The following TTC28 variants were observed in gnomAD, a reference collection of about 807,000 sequenced individuals.
The protein encoded by TTC28 is tetratricopeptide repeat protein 28.
Under a neutral mutation model 198.0 loss-of-function variants are expected in TTC28, and 61 were observed. The observed-to-expected ratio is 0.31, with a 90% confidence interval of 0.25 to 0.38. TTC28 has a LOEUF of 0.38. Ranked by LOEUF, TTC28 falls within the 10% of genes least tolerant of loss-of-function variation. The pLI, the probability that TTC28 is intolerant of heterozygous loss-of-function variation, is 1.00. For synonymous variants in TTC28, 1,171 were observed against 1,297.8 expected (o/e 0.90, Z 2.10); for missense variants, 2,678 against 3,164.0 (o/e 0.85, Z 3.69).
Position 28,644,505 on chromosome 22 carries a change from T to A in TTC28, c.103-14675A>T, listed in dbSNP as rs531925892. Among the ~76,000 whole-genome samples, 57 of 151,044 alleles carry A rather than the reference T, an allele frequency of 3.8e-4. 1 individual carries two copies. The East Asian group carries it at 0.01, about 27-fold the overall frequency. On this transcript the variant is annotated intron_variant, in intron 1 of 22. Transcript: ENST00000397906. ...ACCTGAATGACCCATGCTAGAACTA[T>A]ATCCAAAGTTACTTTTGCCCATTTA...
intron 2 of TTC28, among the ~76,000 whole-genome samples, chr22:28,348,658 C>T (rs147158744): frequency 0.01 from 1,565 of 152,234 alleles, 31 homozygotes; most frequent in African/African-American, 0.036. Flanking sequence ...TACAAACATG[C>T]GGACCTTTCA....
chr22:28,335,519 A>C lies in TTC28; in HGVS notation c.382-28876T>G, dbSNP rs948099504. Among the ~76,000 whole-genome samples the C allele has an allele frequency of 2.7e-5, 4 of 150,216 alleles. No homozygotes were observed. In the South Asian group the frequency reaches 8.4e-4, roughly 31 times the overall value. ...ATGTTCTTCCATTTGTTTGTTGGGCAGTGGTTTGTACTTCTCCTTGAAGAG... is the reference window on the plus strand; with the variant it reads ...ATGTTCTTCCATTTGTTTGTTGGGCCGTGGTTTGTACTTCTCCTTGAAGAG... On this transcript the variant is annotated intron_variant, in intron 2 of 22. Coordinates refer to ENST00000397906, the MANE Select transcript of TTC28 (RefSeq NM_001145418.2).
chr22:27,982,478 A>G lies in TTC28; in HGVS notation c.7189T>C (p.Leu2397=), dbSNP rs1227635239. ...TCCTTCTTATTGTGCCGTGGTGACA[A>G]ATTCAACAGACTGAGGACATCCCTT... is the stretch of plus-strand genomic sequence containing the variant. The part of the protein sequence containing the change: ...SKRDVLSLLN[L]SPRHNKKEEG... Residue 2397 remains leucine, a synonymous_variant, in exon 23 of 23, where the codon TTG becomes CTG. Transcript: ENST00000397906. This position sits in a 1 kb window ranked among gnomAD's most constrained non-coding sequence, Gnocchi z 5.2. 2 of 1,551,454 alleles carry G rather than the reference A, an allele frequency of 1.3e-6. No homozygotes were observed. The highest frequency in any genetic ancestry group is 1.4e-5 in the African/African-American group (1 of 73,050).
At chr22:28,292,176 A>C (rs577681042) in intron 5 of TTC28, among the ~76,000 whole-genome samples, 1 of 152,198 alleles carries the variant, frequency 6.6e-6, no homozygotes, top group South Asian at 2.1e-4. Flanking sequence ...TAATTGGATA[A>C]AACTAATAAA....
intron 6 of TTC28, among the ~76,000 whole-genome samples, chr22:28,133,178 G>A (rs185401321): frequency 6.8e-4 from 103 of 152,292 alleles, no homozygotes; most frequent in African/African-American, 2.1e-3. Context: ...AGGTGAGATC[G>A]TGCCATTGCA....
At chr22:28,283,965 C>G (rs1359801144) in intron 5 of TTC28, among the ~76,000 whole-genome samples, 1 of 152,172 alleles carries the variant, frequency 6.6e-6, no homozygotes, top group Non-Finnish European at 1.5e-5. Context: ...TATATGACAA[C>G]TTCTCCAGCT....
chr22:28,459,873 G>A (rs1304024845), intron 2 of TTC28: 1 of 152,140 alleles, frequency 6.6e-6, no homozygotes, highest in East Asian at 1.9e-4. Context: ...CTCCAGGGTT[G>A]GCTATAACTA....
chr22:28,234,053 C>T (rs1427538389), intron 5 of TTC28, among the ~76,000 whole-genome samples: 2 of 150,354 alleles, frequency 1.3e-5, no homozygotes, highest in Admixed American at 6.6e-5. Flanking sequence ...ACTATAGGTG[C>T]CTGCCACTAC....
At chr22:28,213,910 C>T (rs375664170) in intron 5 of TTC28, among the ~76,000 whole-genome samples, 10,830 of 152,026 alleles carry the variant, frequency 0.071, 474 homozygotes, top group Admixed American at 0.14. Flanking sequence ...CAAAACAGCA[C>T]GATACTGGTA....
At chr22:28,483,784 A>G (rs535675559) in intron 2 of TTC28, among the ~76,000 whole-genome samples, 96 of 152,214 alleles carry the variant, frequency 6.3e-4, no homozygotes, top group Non-Finnish European at 1.1e-3. Context: ...TAAATAGCTC[A>G]AAGTATTAAA....
At chr22:28,097,638 C>T (rs1942016726) in intron 10 of TTC28, among the ~76,000 whole-genome samples, 1 of 152,154 alleles carries the variant, frequency 6.6e-6, no homozygotes, top group Non-Finnish European at 1.5e-5. Flanking sequence ...TTACTTTTGT[C>T]ATAAATGTAA....
intron 12 of TTC28, among the ~76,000 whole-genome samples, chr22:28,056,975 TCTTA>T (rs1008360688): frequency 2.6e-5 from 4 of 152,222 alleles, no homozygotes; most frequent in Non-Finnish European, 4.4e-5. Context: ...ATTTACAGCT[TCTTA>T]CTTTTTACTG....
rs1487560751 is a variant in TTC28, at chr22:27,985,275, G to A, written c.5789C>T (p.Ala1930Val). The A allele has an allele frequency of 5.2e-6, 8 of 1,551,332 alleles. No individual in the cohort carries two copies. The highest frequency in any genetic ancestry group is 2.7e-5 in the African/African-American group (2 of 73,054). Residue 1930 changes from alanine (A) to valine (V), a missense_variant, in exon 22 of 23, where the codon GCG becomes GTG. By Grantham distance (64) the Ala-to-Val change is moderately conservative. Coordinates refer to ENST00000397906, the MANE Select transcript of TTC28 (RefSeq NM_001145418.2). ...AAACAGAGACAGCAGGGACTGGAGC[G>A]CGAAGTGCACAGTCCGTCGATTAGC... Reference protein sequence around the residue: ...KQANRRTVHFALQSLLSLFDS... With the variant: ...KQANRRTVHFVLQSLLSLFDS...
chr22:28,042,949 GAA>G (rs1939713258), intron 12 of TTC28, among the ~76,000 whole-genome samples: 1 of 152,124 alleles, frequency 6.6e-6, no homozygotes, highest in Admixed American at 6.5e-5. Context: ...TCTACTTCTA[GAA>G]ACTGCCTCCC....
chr22:28,647,298 GA>G (rs1451185938), intron 1 of TTC28, among the ~76,000 whole-genome samples: 1 of 152,022 alleles, frequency 6.6e-6, no homozygotes, highest in Non-Finnish European at 1.5e-5. Flanking sequence ...GAAAATCTAG[GA>G]AAAACTCTTC....
At chr22:28,179,464 G>A (rs1051991617) in intron 5 of TTC28, among the ~76,000 whole-genome samples, 1 of 152,090 alleles carries the variant, frequency 6.6e-6, no homozygotes, top group Non-Finnish European at 1.5e-5. Flanking sequence ...CTGGCCTAGG[G>A]CGGTTTTTAA....
At chr22:28,581,902 G>T (rs901172803) in intron 2 of TTC28, among the ~76,000 whole-genome samples, 2 of 151,728 alleles carry the variant, frequency 1.3e-5, no homozygotes, top group East Asian at 3.9e-4. Flanking sequence ...TCTAATACAA[G>T]GCCTTAAAGT....
In TTC28 at chr22:27,983,643, G is replaced by A. The variant is rs768624892; in HGVS notation, c.6024C>T (p.Pro2008=). Residue 2008 remains proline, a synonymous_variant, in exon 23 of 23, where the codon CCC becomes CCT. Transcript: ENST00000397906. The part of the protein sequence containing the change: ...IASSMSFVSK[P]EGGSEGGGPG... ...GGCCTCCACCCTCTGATCCACCCTC[G>A]GGTTTGGAGACAAAGCTCATTGAGG... is the stretch of plus-strand genomic sequence containing the variant. 9.7e-6 allele frequency: 15 copies of A among 1,543,646 alleles called. No individual in the cohort carries two copies. The highest frequency in any genetic ancestry group is 3.4e-4 in the Middle Eastern group (2 of 5,924).
chr22:28,595,689 G>C (rs2050527964), intron 2 of TTC28, among the ~76,000 whole-genome samples: 1 of 152,174 alleles, frequency 6.6e-6, no homozygotes, highest in South Asian at 2.1e-4. Flanking sequence ...ACTTTGGGAG[G>C]CCGAGGCAGG....
Sources: allele counts gnomAD v4.1 joint callset (sites outside exome capture counted in the v4.1 genomes callset), GRCh38; gene constraint gnomAD v4.1.1; non-coding constraint Gnocchi (gnomAD v3.1); transcripts MANE v1.5; gene names NCBI Gene and HGNC (gene_info 2026-07-23, HGNC 2026-07-21).